The following TENM2 variants were observed in gnomAD, a reference collection of about 807,000 sequenced individuals.
The protein encoded by TENM2 is teneurin-2.
TENM2 carries 52 observed loss-of-function variants against 245.2 expected under a neutral mutation model. The ratio of observed to expected loss-of-function variants is 0.21; its 90% confidence interval spans 0.17 to 0.27. TENM2 has a LOEUF of 0.27. TENM2 is among the 10% of genes least tolerant of loss of function. The pLI, the probability that TENM2 is intolerant of heterozygous loss-of-function variation, is 1.00. For missense variants in TENM2, 3,046 were observed against 3,666.8 expected (o/e 0.83, Z 4.37); for synonymous variants, 1,363 against 1,438.9 (o/e 0.95, Z 1.19).
intron 1 of TENM2, among the ~76,000 whole-genome samples, chr5:167,323,924 C>T (rs989754666): frequency 2.0e-5 from 3 of 152,112 alleles, no homozygotes; most frequent in South Asian, 2.1e-4. Flanking sequence ...TGGGGCATAA[C>T]GATCTGGGTC....
intron 2 of TENM2, among the ~76,000 whole-genome samples, chr5:167,518,710 C>T (rs985839854): frequency 1.3e-5 from 2 of 152,144 alleles, no homozygotes; most frequent in African/African-American, 4.8e-5. Context: ...TCCGGAGTCA[C>T]ATCATGACAG....
chr5:167,005,955 T>C, the TENM2 span, among the ~76,000 whole-genome samples: 2 of 152,064 alleles, frequency 1.3e-5, no homozygotes, highest in Admixed American at 1.3e-4. Flanking sequence ...CCACCGTGCC[T>C]GGTGCTCATT....
At chr5:167,742,516 T>A (rs1363063201) in intron 2 of TENM2, among the ~76,000 whole-genome samples, 11 of 152,126 alleles carry the variant, frequency 7.2e-5, no homozygotes, top group Non-Finnish European at 1.3e-4. Context: ...TGTTAGCAGC[T>A]CCTATCAGAA....
chr5:167,018,353 T>C, the TENM2 span, among the ~76,000 whole-genome samples: 25 of 151,150 alleles, frequency 1.7e-4, no homozygotes, highest in Non-Finnish European at 2.7e-4. Context: ...AAATGCTTGA[T>C]AGCTGAAAGC....
chr5:167,335,654 A>T (rs1259272070), intron 1 of TENM2, among the ~76,000 whole-genome samples: 1 of 152,156 alleles, frequency 6.6e-6, no homozygotes, highest in East Asian at 1.9e-4. Context: ...AACTAAAGCT[A>T]AAAAAGTGAC....
chr5:168,240,991 G>A (rs1225864170), intron 25 of TENM2: 1 of 152,210 alleles, frequency 6.6e-6, no homozygotes, highest in Non-Finnish European at 1.5e-5. Flanking sequence ...CAGAGGAGAA[G>A]ACCTATCTTT....
chr5:167,595,177 T>C (rs1478165625), intron 2 of TENM2, among the ~76,000 whole-genome samples: 1 of 152,038 alleles, frequency 6.6e-6, no homozygotes, highest in Non-Finnish European at 1.5e-5. Flanking sequence ...TCTCACTTAT[T>C]AAAAAGGGAA....
intron 4 of TENM2, among the ~76,000 whole-genome samples, chr5:167,953,878 TG>T (rs1385839447): frequency 6.6e-6 from 1 of 152,216 alleles, no homozygotes. Flanking sequence ...ATAATTTTTT[TG>T]TTTTTTTATA....
At chr5:167,403,058 GATT>G (rs1334803746) in intron 2 of TENM2, among the ~76,000 whole-genome samples, 1 of 152,110 alleles carries the variant, frequency 6.6e-6, no homozygotes, top group Non-Finnish European at 1.5e-5. Context: ...AGAGAGAATG[GATT>G]TGCTTATGGT....
chr5:167,643,053 AATT>A (rs1205574428), intron 2 of TENM2, among the ~76,000 whole-genome samples: 1 of 152,170 alleles, frequency 6.6e-6, no homozygotes, highest in African/African-American at 2.4e-5. Context: ...CCTGCCCTGG[AATT>A]ATTGTTAAAT....
At chr5:167,296,864 A>T (rs976449881) in intron 1 of TENM2, among the ~76,000 whole-genome samples, 8 of 152,198 alleles carry the variant, frequency 5.3e-5, no homozygotes, top group Non-Finnish European at 1.2e-4. Flanking sequence ...CAAAGTGCTG[A>T]GTTGTCCTAG....
the TENM2 span, among the ~76,000 whole-genome samples, chr5:167,110,137 G>A: frequency 1.3e-5 from 2 of 152,214 alleles, no homozygotes; most frequent in Admixed American, 6.5e-5. Flanking sequence ...CAGAGAAATG[G>A]TCATTCCATC....
At chr5:168,042,264 C>G (rs1447514711) in intron 5 of TENM2, among the ~76,000 whole-genome samples, 1 of 152,114 alleles carries the variant, frequency 6.6e-6, no homozygotes, top group African/African-American at 2.4e-5. Context: ...AAAGGGAAAG[C>G]CCAATCTCCT....
chr5:167,239,805 T>C, the TENM2 span, among the ~76,000 whole-genome samples: 1 of 152,348 alleles, frequency 6.6e-6, no homozygotes, highest in Admixed American at 6.5e-5. Context: ...GGAGTTTTGC[T>C]CTTGTTGCCC....
intron 3 of TENM2, among the ~76,000 whole-genome samples, chr5:167,896,773 A>G (rs183208696): frequency 6.6e-6 from 1 of 152,310 alleles, no homozygotes; most frequent in East Asian, 1.9e-4. Flanking sequence ...CAATACCTTT[A>G]TGGATATTTT....
chr5:167,579,004 C>T (rs1024993), intron 2 of TENM2, among the ~76,000 whole-genome samples: 81,478 of 152,030 alleles, frequency 0.54, 24,852 homozygotes, highest in Middle Eastern at 0.67. Context: ...TCACCAACAT[C>T]ACCTCAAAAC....
chr5:167,624,192 G>A (rs1778355773), intron 2 of TENM2, among the ~76,000 whole-genome samples: 1 of 152,088 alleles, frequency 6.6e-6, no homozygotes, highest in African/African-American at 2.4e-5. Context: ...TGGCGGATTG[G>A]GTAAAGAAAC....
chr5:167,393,985 T>A (rs1712524827), intron 2 of TENM2, among the ~76,000 whole-genome samples: 1 of 152,224 alleles, frequency 6.6e-6, no homozygotes, highest in Non-Finnish European at 1.5e-5. Context: ...TATGGTTTTC[T>A]GATATTGAGT....
chr5:167,829,773 C>T (rs547908845), intron 2 of TENM2, among the ~76,000 whole-genome samples: 70 of 152,252 alleles, frequency 4.6e-4, no homozygotes, highest in African/African-American at 1.6e-3. Flanking sequence ...TGGTCTGATA[C>T]TAGAACCTCT....
Sources: gnomAD v4.1 joint callset for allele counts (sites outside exome capture counted in the v4.1 genomes callset) on GRCh38, gnomAD v4.1.1 for gene constraint, MANE v1.5 for transcripts, NCBI Gene and HGNC (gene_info 2026-07-23, HGNC 2026-07-21) for gene names.